Variants in SCART1 observed in about 807,000 individuals in gnomAD.
SCART1 encodes scavenger receptor cysteine-rich domain-containing protein SCART1.
In SCART1, 62 loss-of-function variants were observed where a neutral mutation model predicts 36.2. That is an observed-to-expected ratio of 1.71 (90% CI 1.40 to 2.12). SCART1 has a LOEUF of 2.12. SCART1 is among the 30% of genes most tolerant of loss of function. The pLI is 0.00. For missense variants in SCART1, 1,041 were observed against 540.5 expected (o/e 1.93, Z -9.18); for synonymous variants, 487 against 238.7 (o/e 2.04, Z -9.59).
At chr10:133,465,074 C>G (rs1044552156) in intron 7 of SCART1, 32 bp from the exon 8 acceptor site, 1 of 702,822 alleles carries the variant, frequency 1.4e-6, no homozygotes, top group Admixed American at 2.0e-5. Flanking sequence ...CTCTGGGCAC[C>G]GAAGCTCTCA....
At chr10:133,463,950 C>T (rs958082368) in intron 6 of SCART1, among the ~76,000 whole-genome samples, 2 of 152,082 alleles carry the variant, frequency 1.3e-5, no homozygotes, top group Admixed American at 1.3e-4. Flanking sequence ...TGTATCTTTA[C>T]AGATCTCCTC....
At chr10:133,458,718 C>T (rs538390439) in intron 4 of SCART1, 62 bp downstream of exon 4, 68 of 692,672 alleles carry the variant, frequency 9.8e-5, no homozygotes, top group South Asian at 7.9e-4. Flanking sequence ...CAAATCCCTT[C>T]GTGCCCTAAA....
In SCART1 at chr10:133,460,496, A is replaced by ATATATATATATATATATATTTTTT; in HGVS notation, c.1969+327_1969+328insATATATATATATATATATTTTTTT. 2.9e-5 allele frequency among the ~76,000 whole-genome samples: 4 copies of ATATATATATATATATATATTTTTT among 136,004 alleles called. No homozygotes were observed. The South Asian group carries it at 1.1e-3, about 37-fold the overall frequency. 89.2% of individuals were successfully genotyped at this position (136,004 alleles called of 152,430 possible). On this transcript the variant is annotated intron_variant, in intron 6 of 11. Transcript: ENST00000640237. ...CATATATATATATATATATTTATATATTTTAAAAAATATTTTATATTTATT... is the reference window on the plus strand; with the variant it reads ...CATATATATATATATATATTTATATATATATATATATATATATATTTTTTTTTTAAAAAATATTTTATATTTATT...
intron 9 of SCART1, 89 bp from the exon 10 acceptor site, chr10:133,466,146 G>A (rs1850762978): frequency 1.5e-6 from 1 of 649,140 alleles, no homozygotes; most frequent in African/African-American, 1.8e-5. Context: ...GGGAGAGGGT[G>A]TGGCTGGGCC....
intron 1 of SCART1, among the ~76,000 whole-genome samples, chr10:133,455,445 C>A (rs1011637499): frequency 1.3e-5 from 2 of 151,856 alleles, no homozygotes; most frequent in Admixed American, 1.3e-4. Context: ...CAGGGTCCCC[C>A]CTCTGCTCCT....
chr10:133,466,570 A>G (rs1850768166), intron 10 of SCART1, among the ~76,000 whole-genome samples, 189 bp downstream of exon 10: 1 of 152,220 alleles, frequency 6.6e-6, no homozygotes, highest in Non-Finnish European at 1.5e-5. Flanking sequence ...TTCCTTAGAA[A>G]GAAACACTTA....
chr10:133,454,810 C>T (rs1039007251), intron 1 of SCART1, among the ~76,000 whole-genome samples: 3 of 151,950 alleles, frequency 2.0e-5, no homozygotes, highest in African/African-American at 7.3e-5. Context: ...TGGGCAGCTG[C>T]AGAAAGTGCA....
chr10:133,460,471 CAT>C lies in SCART1; in HGVS notation c.1969+318_1969+319del, dbSNP rs55751015. Among the ~76,000 whole-genome samples the C allele has an allele frequency of 8.4e-4, 114 of 136,486 alleles. 5 individuals carry two copies. Among genetic ancestry groups the C allele is most frequent in the African/African-American group, 3.0e-3 (105 of 35,518 alleles). 89.5% of individuals were successfully genotyped at this position (136,486 alleles called of 152,430 possible). A position where few individuals can be genotyped will look rare whatever the true frequency, so the allele number is the denominator to read the frequency against. The stretch of plus-strand genomic sequence containing the variant: ...GCGCTTGAAGTTTCCATCCGAAATT[CAT>C]ATATATATATATATATTTATATATT... On this transcript the variant is annotated intron_variant, in intron 6 of 11. Coordinates refer to ENST00000640237, the Ensembl canonical transcript of SCART1.
chr10:133,461,573 G>T (rs1368651751), intron 6 of SCART1, among the ~76,000 whole-genome samples: 1 of 152,146 alleles, frequency 6.6e-6, no homozygotes, highest in Non-Finnish European at 1.5e-5. Flanking sequence ...CATTCTTGGG[G>T]TGTTTCTCCA....
exon 2 of SCART1, chr10:133,456,501 C>T (rs1254703369): frequency 4.3e-6 from 3 of 694,684 alleles, no homozygotes; most frequent in African/African-American, 1.8e-5. Flanking sequence ...AGCCTTGGCT[C>T]ATGGTGCCAG....
intron 3 of SCART1, 155 bp downstream of exon 3, chr10:133,457,730 T>C (rs1850637677): frequency 1.8e-6 from 1 of 567,848 alleles, no homozygotes; most frequent in African/African-American, 1.9e-5. Context: ...GCCTCAGCTC[T>C]CACGCTGGTT....
chr10:133,468,410 A>G (rs1392226094), exon 12 of SCART1: 1 of 153,240 alleles, frequency 6.5e-6, no homozygotes, highest in Non-Finnish European at 1.5e-5. Flanking sequence ...TTGTGTAATC[A>G]TGTCATCTGT....
intron 6 of SCART1, among the ~76,000 whole-genome samples, chr10:133,463,456 C>T (rs1160461100): frequency 6.6e-6 from 1 of 151,878 alleles, no homozygotes; most frequent in East Asian, 1.9e-4. Flanking sequence ...CCCCATTCCC[C>T]CACCACCTGC....
intron 6 of SCART1, among the ~76,000 whole-genome samples, chr10:133,462,205 C>T (rs754711709): frequency 2.6e-5 from 4 of 152,244 alleles, no homozygotes; most frequent in Non-Finnish European, 5.9e-5. Context: ...CTGGGCCACC[C>T]ACATGGCCTG....
rs1216729802 is a variant in SCART1, at chr10:133,465,285, C to T, written c.2379C>T (p.Asp793=). 3 of 685,380 alleles carry T rather than the reference C, an allele frequency of 4.4e-6. No homozygotes were observed. In the East Asian group the frequency reaches 8.1e-5, roughly 19 times the overall value. 42.5% of individuals were successfully genotyped at this position (685,380 alleles called of 1,614,324 possible). ...CACTGCGCGTGCGCGGGGGCGAGGA[C>T]CGCTGCTCCGGGCGCGTGGAGCTCT... Residue 793 remains aspartate (D), a synonymous_variant, in exon 9 of 12, where the codon GAC becomes GAT. Coordinates refer to ENST00000640237, the Ensembl canonical transcript of SCART1.
At chr10:133,467,793 C>G in intron 11 of SCART1, 54 bp from the exon 12 acceptor site, 1 of 613,192 alleles carries the variant, frequency 1.6e-6, no homozygotes, top group East Asian at 2.8e-5. Flanking sequence ...CAAATGTGCT[C>G]TGGGGACAAC....
At chr10:133,469,154 G>A (rs1012276073) in exon 12 of SCART1, 1 of 152,126 alleles carries the variant, frequency 6.6e-6, no homozygotes, top group Non-Finnish European at 1.5e-5. Flanking sequence ...TTTTTCATAT[G>A]TTTGTTGGCT....
At chr10:133,462,591 G>A (rs1850715018) in intron 6 of SCART1, among the ~76,000 whole-genome samples, 1 of 152,230 alleles carries the variant, frequency 6.6e-6, no homozygotes, top group Non-Finnish European at 1.5e-5. Context: ...GCAGCAGCAA[G>A]GTGTGTGGCT....
intron 1 of SCART1, among the ~76,000 whole-genome samples, chr10:133,455,838 A>G (rs1279603204): frequency 6.6e-6 from 1 of 151,942 alleles, no homozygotes; most frequent in Non-Finnish European, 1.5e-5. Context: ...AGGGGTGTGG[A>G]CAGTCACGTG....
Sources: allele counts gnomAD v4.1 joint callset (sites outside exome capture counted in the v4.1 genomes callset), GRCh38; gene constraint gnomAD v4.1.1; transcripts MANE v1.5; gene names NCBI Gene and HGNC (gene_info 2026-07-23, HGNC 2026-07-21).